Variants in TRIM2 observed in about 807,000 individuals in gnomAD.
TRIM2 encodes tripartite motif containing 2.
Under a neutral mutation model 75.2 loss-of-function variants are expected in TRIM2, and 20 were observed. The observed-to-expected ratio is 0.27, with a 90% CI of 0.19 to 0.39. The LOEUF (loss-of-function observed/expected upper bound fraction) is 0.39, where lower values mean the gene tolerates loss of function less well. Ranked by LOEUF, TRIM2 falls within the 10% of genes least tolerant of loss-of-function variation. TRIM2 has a pLI of 1.00. For missense variants in TRIM2, 660 were observed against 990.8 expected, an observed-to-expected ratio of 0.67 and a Z score of 4.48; for synonymous variants, 373 against 388.3, an observed-to-expected ratio of 0.96 and a Z score of 0.46.
At position 153,286,960 on chromosome 4, in the gene TRIM2, C is replaced by CT. The variant is rs1208193688; in HGVS notation, c.454-6014dup. Reference sequence around the variant, plus strand: ...AATATTTTTTTCATTCTTTCACTTTCTTTTTTTTCTTTTCCTTTTTCTCTC... The same window carrying CT: ...AATATTTTTTTCATTCTTTCACTTTCTTTTTTTTTCTTTTCCTTTTTCTCTC... On this transcript the variant is annotated intron_variant, in intron 3 of 11. Coordinates refer to ENST00000338700, the MANE Select transcript of TRIM2 (RefSeq NM_015271.5). Among the ~76,000 whole-genome samples, 48 of 151,862 alleles carry CT rather than the reference C, an allele frequency of 3.2e-4. 1 individual carries two copies. The highest frequency in any genetic ancestry group is 1.2e-3 in the African/African-American group (48 of 41,458).
rs1285583726 is a variant in TRIM2 at position 153,334,993 on chromosome 4, A to G, written c.*27A>G. 6.9e-6 allele frequency: 11 copies of G among 1,596,858 alleles called. No individual in the cohort carries two copies. Among genetic ancestry groups the G allele is most frequent in the Non-Finnish European group, 9.4e-6 (11 of 1,169,508 alleles). On this transcript the variant is annotated 3_prime_UTR_variant, in exon 12 of 12. Transcript: ENST00000338700. ...GGTGGGCAGGTGGATACCCGCTTCC[A>G]TGGTCTTGCACTATAAACTGGAATG...
chr4:153,163,906 G>C (rs2149599514), intron 1 of TRIM2, among the ~76,000 whole-genome samples: 1 of 152,078 alleles, frequency 6.6e-6, no homozygotes, highest in Non-Finnish European at 1.5e-5. Flanking sequence ...ATCCATTTTA[G>C]ACTGTACCTT....
At chr4:153,309,054 T>C (rs938337725) in intron 6 of TRIM2, among the ~76,000 whole-genome samples, 1 of 152,200 alleles carries the variant, frequency 6.6e-6, no homozygotes, top group Non-Finnish European at 1.5e-5. Context: ...TAGGGTGCAA[T>C]GGTGTACAGG....
intron 3 of TRIM2, among the ~76,000 whole-genome samples, chr4:153,284,760 A>G (rs1283765309): frequency 6.6e-6 from 1 of 152,226 alleles, no homozygotes; most frequent in Non-Finnish European, 1.5e-5. Context: ...AAGTCTATTC[A>G]AGTTCTTTGC....
chr4:153,261,909 G>T (rs73854633), intron 1 of TRIM2, among the ~76,000 whole-genome samples: 135 of 152,330 alleles, frequency 8.9e-4, no homozygotes, highest in African/African-American at 3.1e-3. Context: ...CCACCAAATT[G>T]TAGGAGATTT....
chr4:153,197,386 A>G (rs1207090178), intron 1 of TRIM2, among the ~76,000 whole-genome samples: 3 of 152,210 alleles, frequency 2.0e-5, no homozygotes, highest in Non-Finnish European at 4.4e-5. Flanking sequence ...AAGCCCTTCA[A>G]TGTCACTGAA....
In TRIM2 at chr4:153,295,693, C is replaced by CGCCTA. The variant is rs1560967923; in HGVS notation, c.1168_1172dup (p.Tyr391Ter). The CGCCTA allele has an allele frequency of 6.2e-7, 1 of 1,613,926 alleles. No homozygotes were observed. The highest frequency in any genetic ancestry group is 1.7e-5 in the Admixed American group (1 of 59,998). On this transcript the variant is annotated frameshift_variant, in exon 6 of 12. Coordinates refer to ENST00000338700, the MANE Select transcript of TRIM2 (RefSeq NM_015271.5). LOFTEE classifies it high-confidence loss of function. The surrounding 1 kb of genome is among the most constrained non-coding windows in gnomAD (Gnocchi z 7.2). ...ACGGTGAGCTGTGCAAAACCGGCAACGCCTACCTCACCGCCGAACTGAGCA... is the reference window on the plus strand; with the variant it reads ...ACGGTGAGCTGTGCAAAACCGGCAACGCCTAGCCTACCTCACCGCCGAACTGAGCA...
chr4:153,281,621 T>C (rs1759356666), intron 3 of TRIM2, among the ~76,000 whole-genome samples: 1 of 152,226 alleles, frequency 6.6e-6, no homozygotes, highest in Non-Finnish European at 1.5e-5. Flanking sequence ...AATCAATTCA[T>C]TAACAATAAA....
At position 153,338,045 on chromosome 4, in the gene TRIM2, A is replaced by G. The variant is rs974542763; in HGVS notation, c.*3079A>G. On this transcript the variant is annotated 3_prime_UTR_variant, in exon 12 of 12. Coordinates refer to ENST00000338700, the MANE Select transcript of TRIM2 (RefSeq NM_015271.5). ...CAAACTTTAGTCTCCAGAACTAAACAAGTCCCTAAGTTTCCTTATTTTAAT... is the reference window on the plus strand; with the variant it reads ...CAAACTTTAGTCTCCAGAACTAAACGAGTCCCTAAGTTTCCTTATTTTAAT... 143 of 985,796 alleles carry G rather than the reference A, an allele frequency of 1.5e-4. No homozygotes were observed. Among genetic ancestry groups the G allele is most frequent in the Non-Finnish European group, 1.7e-4 (141 of 829,908 alleles). The allele number at this position is 985,796 out of a possible 1,614,324, so 61.1% of individuals were successfully genotyped here.
At chr4:153,323,903 C>A (rs914010681) in intron 9 of TRIM2, among the ~76,000 whole-genome samples, 175 bp from the exon 10 acceptor site, 6 of 152,134 alleles carry the variant, frequency 3.9e-5, no homozygotes, top group Non-Finnish European at 8.8e-5. Flanking sequence ...AATATAGGAT[C>A]CATGTTATCT....
At chr4:153,184,754 T>C (rs1732421215) in intron 1 of TRIM2, among the ~76,000 whole-genome samples, 1 of 152,244 alleles carries the variant, frequency 6.6e-6, no homozygotes, top group Non-Finnish European at 1.5e-5. Context: ...CCATCAATAC[T>C]GCTGCTTTTA....
intron 1 of TRIM2, among the ~76,000 whole-genome samples, chr4:153,181,072 A>G (rs1732009572): frequency 6.6e-6 from 1 of 152,214 alleles, no homozygotes; most frequent in Non-Finnish European, 1.5e-5. Flanking sequence ...GGGTGTTTGT[A>G]ATTCCAATAA....
At chr4:153,257,476 A>G in intron 1 of TRIM2, 1 of 1,270,830 alleles carries the variant, frequency 7.9e-7, no homozygotes, top group Non-Finnish European at 1.0e-6. Flanking sequence ...AATGACCCAG[A>G]AACATTCCTG....
chr4:153,211,661 T>A (rs1057012961), intron 1 of TRIM2, among the ~76,000 whole-genome samples: 1 of 151,912 alleles, frequency 6.6e-6, no homozygotes, highest in Admixed American at 6.6e-5. Flanking sequence ...AATTATTTTT[T>A]ATTTTTTTGT....
intron 1 of TRIM2, among the ~76,000 whole-genome samples, chr4:153,209,309 ATCACTCCGATATGT>A (rs1281868084): frequency 1.3e-5 from 2 of 152,186 alleles, no homozygotes; most frequent in Admixed American, 6.5e-5. Context: ...ATGCTGTTTT[ATCACTCCGATATGT>A]TCAAGGGACC....
At chr4:153,261,345 C>A (rs1464335526) in intron 1 of TRIM2, among the ~76,000 whole-genome samples, 2 of 152,048 alleles carry the variant, frequency 1.3e-5, no homozygotes, top group Non-Finnish European at 2.9e-5. Flanking sequence ...ATCACTTGAA[C>A]CTGGGAGGTG....
At chr4:153,191,165 T>G (rs550895951) in intron 1 of TRIM2, among the ~76,000 whole-genome samples, 20 of 152,366 alleles carry the variant, frequency 1.3e-4, no homozygotes, top group African/African-American at 4.6e-4. Flanking sequence ...TGACCTCCTA[T>G]CTTATGGAGT....
intron 1 of TRIM2, among the ~76,000 whole-genome samples, chr4:153,153,777 C>T (rs1713683147): frequency 1.3e-5 from 2 of 152,154 alleles, no homozygotes; most frequent in South Asian, 4.1e-4. Flanking sequence ...TCGCTGAGTC[C>T]GGGCCCCGGA....
At chr4:153,235,739 T>C (rs1314298700) in intron 1 of TRIM2, among the ~76,000 whole-genome samples, 1 of 152,252 alleles carries the variant, frequency 6.6e-6, no homozygotes, top group Non-Finnish European at 1.5e-5. Flanking sequence ...TGTCAGGTTG[T>C]TGAAGAGCTT....
Sources: allele counts gnomAD v4.1 joint callset (sites outside exome capture counted in the v4.1 genomes callset), GRCh38; gene constraint gnomAD v4.1.1; non-coding constraint Gnocchi (gnomAD v3.1); transcripts MANE v1.5; gene names NCBI Gene and HGNC (gene_info 2026-07-23, HGNC 2026-07-21).